The following ERICH5 variants were observed in gnomAD, a reference collection of about 807,000 sequenced individuals.
The protein encoded by ERICH5 is glutamate rich 5.
ERICH5 carries 24 observed loss-of-function variants against 28.0 expected under a neutral mutation model. That is an observed-to-expected ratio of 0.86 (90% confidence interval 0.62 to 1.21). ERICH5 has a LOEUF of 1.21. Ranked by LOEUF, ERICH5 falls within the 50% of genes most tolerant of loss-of-function variation. The pLI is 0.00. For missense variants in ERICH5, 421 were observed against 441.2 expected (o/e 0.95, Z 0.41); for synonymous variants, 163 against 157.6 (o/e 1.03, Z -0.25).
In ERICH5 at chr8:98,089,215, G is replaced by A; in HGVS notation, c.198G>A (p.Lys66=). The A allele has an allele frequency of 6.2e-7, 1 of 1,614,224 alleles. No homozygotes were observed. Among genetic ancestry groups the A allele is most frequent in the Non-Finnish European group, 8.5e-7 (1 of 1,180,044 alleles). ...RESRPPLQKL[K]VSAEPTANGV... ...GCCGTCCTCCCTTACAAAAGCTCAAGGTTTCAGCAGAGCCTACAGCTAATG... is the reference window on the plus strand; with the variant it reads ...GCCGTCCTCCCTTACAAAAGCTCAAAGTTTCAGCAGAGCCTACAGCTAATG... The change falls in exon 2 of 3, where the codon AAG becomes AAA. Residue 66 remains lysine (K), a synonymous_variant. Coordinates refer to ENST00000318528, the MANE Select transcript of ERICH5 (RefSeq NM_173549.3).
chr8:98,091,675 T>A (rs187199880), intron 2 of ERICH5, among the ~76,000 whole-genome samples: 2 of 152,348 alleles, frequency 1.3e-5, no homozygotes, highest in East Asian at 3.9e-4. Flanking sequence ...CAGGGTTTCC[T>A]GCAAGTGTGT....
intron 1 of ERICH5, among the ~76,000 whole-genome samples, chr8:98,082,018 T>G (rs1438876462): frequency 6.6e-6 from 1 of 152,138 alleles, no homozygotes; most frequent in Non-Finnish European, 1.5e-5. Context: ...CAGATTTGTC[T>G]CTTCTATCAC....
intron 1 of ERICH5, among the ~76,000 whole-genome samples, chr8:98,078,430 T>C (rs2447511): frequency 0.89 from 136,144 of 152,172 alleles, 61,198 homozygotes; most frequent in Non-Finnish European, 0.93. Flanking sequence ...TCCTTACAAA[T>C]TCGCTCAAAA....
chr8:98,091,936 C>CTTT (rs1563759672), intron 2 of ERICH5, among the ~76,000 whole-genome samples: 2 of 30,360 alleles, frequency 6.6e-5, no homozygotes, highest in African/African-American at 2.2e-4. Context: ...TTTCTTTCTT[C>CTTT]CTTTCTTTCT....
chr8:98,065,385 C>T (rs1814802556), intron 1 of ERICH5, among the ~76,000 whole-genome samples: 1 of 152,196 alleles, frequency 6.6e-6, no homozygotes, highest in African/African-American at 2.4e-5. Flanking sequence ...CCCCTATCTT[C>T]GGCTTAAGTA....
intron 1 of ERICH5, among the ~76,000 whole-genome samples, chr8:98,081,499 G>C (rs907747462): frequency 1.3e-5 from 2 of 152,164 alleles, no homozygotes; most frequent in African/African-American, 4.8e-5. Context: ...GCTAGTCTCT[G>C]TACTAGTTCT....
chr8:98,092,722 G>A (rs907448009), intron 2 of ERICH5, among the ~76,000 whole-genome samples: 10 of 151,548 alleles, frequency 6.6e-5, no homozygotes, highest in African/African-American at 2.4e-4. Context: ...TAATTGACTC[G>A]ACATTTCAGC....
chr8:98,068,857 C>A (rs1814862297), intron 1 of ERICH5, among the ~76,000 whole-genome samples: 1 of 152,212 alleles, frequency 6.6e-6, no homozygotes, highest in Non-Finnish European at 1.5e-5. Flanking sequence ...CAGCTATAAT[C>A]ATTTGTTTGT....
intron 1 of ERICH5, among the ~76,000 whole-genome samples, chr8:98,071,414 C>G (rs1165548205): frequency 6.6e-6 from 1 of 152,220 alleles, no homozygotes; most frequent in Non-Finnish European, 1.5e-5. Flanking sequence ...ATGAAAGTCT[C>G]ACCAAAGCTG....
In ERICH5 at chr8:98,089,198, C is replaced by T; in HGVS notation, c.181C>T (p.Pro61Ser). The T allele has an allele frequency of 1.2e-6, 2 of 1,614,200 alleles. No homozygotes were observed. Among genetic ancestry groups the T allele is most frequent in the South Asian group, 1.1e-5 (1 of 91,078 alleles). Residue 61 changes from proline (P) to serine (S), a missense_variant, in exon 2 of 3, where the codon CCC (proline) becomes TCC (serine). Physicochemically the swap from Pro to Ser is moderately conservative, Grantham distance 74. Transcript: ENST00000318528. ...CAATGTACAAAGGGAAAGCCGTCCT[C>T]CCTTACAAAAGCTCAAGGTTTCAGC... ...DGNVQRESRP[P>S]LQKLKVSAEP...
intron 1 of ERICH5, among the ~76,000 whole-genome samples, chr8:98,071,493 T>C (rs1814917351): frequency 6.6e-6 from 1 of 152,144 alleles, no homozygotes; most frequent in African/African-American, 2.4e-5. Flanking sequence ...TTTTTTCTTT[T>C]TTAGAGACAG....
At chr8:98,076,932 C>T (rs1422283919) in intron 1 of ERICH5, among the ~76,000 whole-genome samples, 1 of 152,090 alleles carries the variant, frequency 6.6e-6, no homozygotes, top group Non-Finnish European at 1.5e-5. Flanking sequence ...TAAGCCTAAG[C>T]TGTGCCACTC....
chr8:98,071,664 G>C (rs1457114124), intron 1 of ERICH5, among the ~76,000 whole-genome samples: 1 of 151,440 alleles, frequency 6.6e-6, no homozygotes, highest in Non-Finnish European at 1.5e-5. Flanking sequence ...TTAAAGCAAA[G>C]TGCCAGACTA....
At chr8:98,083,985 A>AT (rs1379507313) in intron 1 of ERICH5, among the ~76,000 whole-genome samples, 3 of 151,090 alleles carry the variant, frequency 2.0e-5, no homozygotes, top group Admixed American at 1.3e-4. Context: ...GGCTCAAGTG[A>AT]TCCTCCCCCA....
intron 2 of ERICH5, among the ~76,000 whole-genome samples, chr8:98,091,937 C>T (rs1318194313): frequency 2.2e-4 from 4 of 18,590 alleles, no homozygotes; most frequent in African/African-American, 6.7e-4. Context: ...TTCTTTCTTC[C>T]TTTCTTTCTT....
In ERICH5 at chr8:98,079,192, A is replaced by G. The variant is rs544233297; in HGVS notation, c.59-9884A>G. Among the ~76,000 whole-genome samples the G allele has an allele frequency of 2.0e-4, 24 of 120,074 alleles. 1 individual carries two copies. The South Asian group carries it at 6.1e-3, about 30-fold the overall frequency. 78.8% of individuals were successfully genotyped at this position (120,074 alleles called of 152,430 possible). A position where few individuals can be genotyped will look rare whatever the true frequency, so the allele number is the denominator to read the frequency against. On this transcript the variant is annotated intron_variant, in intron 1 of 2. Coordinates refer to ENST00000318528, the MANE Select transcript of ERICH5 (RefSeq NM_173549.3). ...TTTTTTTTTTTTTTTTTTTTTTGAGACAGGGTCTCTGTCTGTTGCCCAGGC... is the reference window on the plus strand; with the variant it reads ...TTTTTTTTTTTTTTTTTTTTTTGAGGCAGGGTCTCTGTCTGTTGCCCAGGC...
In ERICH5 at chr8:98,077,884, T is replaced by C. The variant is rs1815088094; in HGVS notation, c.59-11192T>C. ...CATGCCTAGCCTATTCTTGTTTCTC[T>C]ATATTTAAATTTCAACATTAAGTTT... On this transcript the variant is annotated intron_variant, in intron 1 of 2. Coordinates refer to ENST00000318528, the MANE Select transcript of ERICH5 (RefSeq NM_173549.3). Among the ~76,000 whole-genome samples the C allele has an allele frequency of 1.3e-5, 2 of 152,200 alleles. 1 individual carries two copies.
chr8:98,075,324 GCT>G (rs1815029722), intron 1 of ERICH5, among the ~76,000 whole-genome samples: 1 of 152,158 alleles, frequency 6.6e-6, no homozygotes, highest in South Asian at 2.1e-4. Flanking sequence ...CTAAGTTGCA[GCT>G]TTTTCTTATG....
At position 98,089,722 on chromosome 8, in the gene ERICH5, GTTT is replaced by G. The variant is rs1554621570; in HGVS notation, c.706_708del (p.Phe236del). On this transcript the variant is annotated inframe_deletion, in exon 2 of 3. Transcript: ENST00000318528. Reference sequence around the variant, plus strand: ...CTCCAGAAATATTGGAAGGAAGTCAGTTTGTGGAAACAGCTGAAGAGCAGCAAC... The same window carrying G: ...CTCCAGAAATATTGGAAGGAAGTCAGGTGGAAACAGCTGAAGAGCAGCAAC... 2 of 1,614,156 alleles carry G rather than the reference GTTT, an allele frequency of 1.2e-6. No individual in the cohort carries two copies. Among genetic ancestry groups the G allele is most frequent in the Non-Finnish European group, 1.7e-6 (2 of 1,180,020 alleles).
Sources: allele counts gnomAD v4.1 joint callset (sites outside exome capture counted in the v4.1 genomes callset), GRCh38; gene constraint gnomAD v4.1.1; transcripts MANE v1.5; gene names NCBI Gene and HGNC (gene_info 2026-07-23, HGNC 2026-07-21).